Variants in AJAP1 observed in about 807,000 individuals in gnomAD.
AJAP1 encodes adherens junctions associated protein 1.
A neutral mutation model predicts 35.0 loss-of-function variants in AJAP1; 5 were observed. That is an observed-to-expected ratio of 0.14 (90% CI 0.07 to 0.30). AJAP1 has a LOEUF of 0.30. Among genes scored for constraint, AJAP1 ranks in the 10% least tolerant of loss-of-function variants. The probability of loss-of-function intolerance (pLI) is 1.00; values close to 1 mark genes in which losing one functional copy is unlikely to be tolerated. For missense variants in AJAP1, 586 were observed against 571.0 expected, an observed-to-expected ratio of 1.03 and a Z score of -0.27; for synonymous variants, 284 against 249.3, an observed-to-expected ratio of 1.14 and a Z score of -1.31.
chr1:4,761,910 T>C (rs1410852618), intron 2 of AJAP1, among the ~76,000 whole-genome samples: 1 of 152,190 alleles, frequency 6.6e-6, no homozygotes, highest in Non-Finnish European at 1.5e-5. Flanking sequence ...CTGCCTTTCC[T>C]AGGCCATTGA....
At chr1:4,680,495 G>A (rs1459733286) in intron 1 of AJAP1, among the ~76,000 whole-genome samples, 1 of 152,204 alleles carries the variant, frequency 6.6e-6, no homozygotes, top group East Asian at 1.9e-4. Context: ...GACAGAGGCT[G>A]GGTAGGGGTT....
chr1:4,699,875 C>T (rs1639948142), intron 1 of AJAP1, among the ~76,000 whole-genome samples: 1 of 152,208 alleles, frequency 6.6e-6, no homozygotes, highest in Non-Finnish European at 1.5e-5. Context: ...TGAGACAATT[C>T]CTGTGAGATG....
chr1:4,747,267 G>T (rs1641209197), intron 2 of AJAP1, among the ~76,000 whole-genome samples: 1 of 152,038 alleles, frequency 6.6e-6, no homozygotes, highest in African/African-American at 2.4e-5. Context: ...CTCTCCACTT[G>T]CCCACACTCC....
At chr1:4,770,578 C>T (rs1305591040) in intron 3 of AJAP1, among the ~76,000 whole-genome samples, 1 of 152,202 alleles carries the variant, frequency 6.6e-6, no homozygotes, top group African/African-American at 2.4e-5. Flanking sequence ...GGGGACCTCA[C>T]CTGCCTGCAG....
At chr1:4,665,682 C>T (rs1012621870) in intron 1 of AJAP1, among the ~76,000 whole-genome samples, 1 of 152,122 alleles carries the variant, frequency 6.6e-6, no homozygotes, top group Non-Finnish European at 1.5e-5. Context: ...GTATGGTAGC[C>T]ACTGAGGTTT....
chr1:4,771,380 G>T (rs1040275224), intron 3 of AJAP1, among the ~76,000 whole-genome samples: 1 of 152,184 alleles, frequency 6.6e-6, no homozygotes, highest in Non-Finnish European at 1.5e-5. Context: ...GGAGACGGGC[G>T]CATCCCCCCT....
At chr1:4,762,868 C>T (rs916323843) in intron 2 of AJAP1, among the ~76,000 whole-genome samples, 1 of 152,168 alleles carries the variant, frequency 6.6e-6, no homozygotes, top group Non-Finnish European at 1.5e-5. Context: ...TCACTTGGCA[C>T]GAGGCTTGGC....
intron 1 of AJAP1, among the ~76,000 whole-genome samples, chr1:4,680,122 CCTCT>C (rs1262339063): frequency 6.6e-6 from 1 of 152,076 alleles, no homozygotes; most frequent in Non-Finnish European, 1.5e-5. Flanking sequence ...GAGAGTGTTC[CCTCT>C]CTGTCAGTCT....
At chr1:4,706,390 GC>G (rs1438134327) in intron 1 of AJAP1, among the ~76,000 whole-genome samples, 1 of 152,214 alleles carries the variant, frequency 6.6e-6, no homozygotes, top group Non-Finnish European at 1.5e-5. Context: ...AAAAACTGGG[GC>G]TTGCAGAGTG....
chr1:4,734,059 G>A lies in AJAP1; in HGVS notation c.829+21360G>A, dbSNP rs1454214928. Among the ~76,000 whole-genome samples, 1 of 152,188 alleles carries A rather than the reference G, an allele frequency of 6.6e-6. No individual in the cohort carries two copies. The highest frequency in any genetic ancestry group is 2.4e-5 in the African/African-American group (1 of 41,440). ...TGTAAGCGATCACGTACCGAGTATTGACTTGGCTCAGCCCAGGAAAAGCGA... is the reference window on the plus strand; with the variant it reads ...TGTAAGCGATCACGTACCGAGTATTAACTTGGCTCAGCCCAGGAAAAGCGA... On this transcript the variant is annotated intron_variant, in intron 2 of 5. Transcript: ENST00000378191. This position sits in a 1 kb window ranked among gnomAD's most constrained non-coding sequence, Gnocchi z 4.3.
At chr1:4,707,538 C>G (rs1570136426) in intron 1 of AJAP1, among the ~76,000 whole-genome samples, 1 of 152,164 alleles carries the variant, frequency 6.6e-6, no homozygotes, top group African/African-American at 2.4e-5. Context: ...TGGCTTCTTT[C>G]CCTGCTCAGG....
intron 1 of AJAP1, among the ~76,000 whole-genome samples, chr1:4,677,916 T>C (rs1324034622): frequency 6.6e-6 from 1 of 152,200 alleles, no homozygotes; most frequent in African/African-American, 2.4e-5. Flanking sequence ...CATATAAATA[T>C]CAGGTGAGGA....
chr1:4,757,684 T>A (rs570071809), intron 2 of AJAP1, among the ~76,000 whole-genome samples: 461 of 152,350 alleles, frequency 3.0e-3, no homozygotes, highest in African/African-American at 0.011. Context: ...GGTTGGTTGG[T>A]GTCCTCATCA....
At chr1:4,761,970 A>G (rs1222099777) in intron 2 of AJAP1, among the ~76,000 whole-genome samples, 1 of 152,158 alleles carries the variant, frequency 6.6e-6, no homozygotes, top group Non-Finnish European at 1.5e-5. Context: ...CATCAGAAAC[A>G]ACACTTTGCA....
chr1:4,776,938 C>A (rs557886425), intron 5 of AJAP1, among the ~76,000 whole-genome samples: 3 of 152,344 alleles, frequency 2.0e-5, no homozygotes, highest in South Asian at 2.1e-4. Context: ...AATCTGCCGA[C>A]ACGAAGCCAC....
rs573566356 is a variant in AJAP1, at chr1:4,656,283, T to C, written c.29+829T>C. ...TTCTCGGGCTTCTCTGGCTTCTGCC[T>C]GGGGTGGCCCAGGGCCCACCAGAGC... On this transcript the variant is annotated intron_variant, in intron 1 of 5. Transcript: ENST00000378191. This position sits in a 1 kb window ranked among gnomAD's most constrained non-coding sequence, Gnocchi z 5.7. 1.1e-3 allele frequency among the ~76,000 whole-genome samples: 174 copies of C among 152,246 alleles called. No homozygotes were observed. The highest frequency in any genetic ancestry group is 2.9e-3 in the Admixed American group (45 of 15,308).
rs1231609339 is a variant in AJAP1 at position 4,787,184 on chromosome 1, A to G, written c.*4699A>G. On this transcript the variant is annotated 3_prime_UTR_variant, in exon 6 of 6. Transcript: ENST00000378191. ...CACTGGCCATACAGTTGGAGGCAAG[A>G]TGGGCACAGTTATGGCCTTGTGGGC... 6.5e-6 allele frequency: 1 copy of G among 154,728 alleles called. No homozygotes were observed. The highest frequency in any genetic ancestry group is 2.4e-5 in the African/African-American group (1 of 41,480). The allele number at this position is 154,728 out of a possible 1,614,324, so 9.6% of individuals were successfully genotyped here.
At chr1:4,670,022 T>C (rs1367628783) in intron 1 of AJAP1, among the ~76,000 whole-genome samples, 3 of 152,210 alleles carry the variant, frequency 2.0e-5, no homozygotes. Flanking sequence ...GAAGTTCCCA[T>C]GGTTTTTCTG....
intron 2 of AJAP1, among the ~76,000 whole-genome samples, chr1:4,744,027 C>T (rs1287548163): frequency 6.6e-6 from 1 of 152,154 alleles, no homozygotes; most frequent in Non-Finnish European, 1.5e-5. Context: ...GTGAACAGGG[C>T]TGAGGGGATA....
Sources: gnomAD v4.1 joint callset for allele counts (sites outside exome capture counted in the v4.1 genomes callset) on GRCh38, gnomAD v4.1.1 for gene constraint, Gnocchi (gnomAD v3.1) non-coding constraint, MANE v1.5 for transcripts, NCBI Gene and HGNC (gene_info 2026-07-23, HGNC 2026-07-21) for gene names.